PTPRD: variants seen among roughly 807,000 people sequenced by gnomAD.
The protein encoded by PTPRD is receptor-type tyrosine-protein phosphatase delta.
PTPRD carries 34 observed loss-of-function variants against 214.5 expected under a neutral mutation model. The observed-to-expected ratio is 0.16, with a 90% confidence interval of 0.12 to 0.21. PTPRD has a LOEUF of 0.21. Ranked by LOEUF, PTPRD falls within the 10% of genes least tolerant of loss-of-function variation. The pLI is 1.00. For synonymous variants in PTPRD, 1,128 were observed against 845.7 expected (o/e 1.33, Z -5.79); for missense variants, 2,545 against 2,398.7 (o/e 1.06, Z -1.27).
intron 2 of PTPRD, among the ~76,000 whole-genome samples, chr9:10,407,352 C>T (rs796675879): frequency 6.6e-6 from 1 of 151,372 alleles, no homozygotes; most frequent in Non-Finnish European, 1.5e-5. Context: ...ATGTGAATAT[C>T]TTTGCGAGAA....
At chr9:8,687,651 T>C (rs117999466) in intron 12 of PTPRD, among the ~76,000 whole-genome samples, 209 of 152,226 alleles carry the variant, frequency 1.4e-3, no homozygotes, top group Non-Finnish European at 2.3e-3. Flanking sequence ...GGGTACAATA[T>C]TGCTATCCAA....
At chr9:9,025,510 C>G (rs769441857) in intron 10 of PTPRD, among the ~76,000 whole-genome samples, 7 of 151,958 alleles carry the variant, frequency 4.6e-5, no homozygotes, top group Non-Finnish European at 8.8e-5. Context: ...CTAGAAAACC[C>G]ATGGAGCTTC....
chr9:9,523,058 T>C (rs828818), intron 8 of PTPRD, among the ~76,000 whole-genome samples: 150,091 of 152,304 alleles, frequency 0.99, 73,993 homozygotes, highest in Middle Eastern at 1. Context: ...ATAATTTATT[T>C]ATGTTGTTAA....
chr9:8,749,350 G>C (rs1254044196), intron 11 of PTPRD, among the ~76,000 whole-genome samples: 4 of 152,074 alleles, frequency 2.6e-5, no homozygotes, highest in Admixed American at 6.5e-5. Context: ...ACCATGCCCA[G>C]CTAATTTTTG....
intron 4 of PTPRD, among the ~76,000 whole-genome samples, chr9:10,020,159 AC>A (rs1388031611): frequency 6.6e-6 from 1 of 152,188 alleles, no homozygotes; most frequent in Non-Finnish European, 1.5e-5. Flanking sequence ...TGAAACAGGA[AC>A]CATTTTATAA....
intron 7 of PTPRD, among the ~76,000 whole-genome samples, chr9:9,616,593 G>A (rs145232787): frequency 6.2e-4 from 95 of 152,128 alleles, no homozygotes; most frequent in African/African-American, 2.1e-3. Context: ...GATCTTATTC[G>A]TGAGGGCTGC....
At chr9:10,356,033 T>A (rs2097270776) in intron 2 of PTPRD, among the ~76,000 whole-genome samples, 1 of 152,164 alleles carries the variant, frequency 6.6e-6, no homozygotes. Context: ...TAACATAACA[T>A]TCCAAATTTT....
intron 9 of PTPRD, among the ~76,000 whole-genome samples, chr9:9,343,768 A>G (rs2047741629): frequency 6.6e-6 from 1 of 152,108 alleles, no homozygotes; most frequent in African/African-American, 2.4e-5. Flanking sequence ...AGTGAAATGA[A>G]GTGAAACAAA....
chr9:9,843,407 C>G (rs1206217220), intron 5 of PTPRD, among the ~76,000 whole-genome samples: 1 of 151,860 alleles, frequency 6.6e-6, no homozygotes, highest in South Asian at 2.1e-4. Context: ...CAAATTAGGC[C>G]TTTTCTTTAT....
At chr9:9,955,479 G>C (rs751670766) in intron 4 of PTPRD, among the ~76,000 whole-genome samples, 3 of 151,280 alleles carry the variant, frequency 2.0e-5, no homozygotes, top group African/African-American at 7.3e-5. Context: ...CCACAACATT[G>C]AACTCTGGAT....
chr9:8,443,359 G>C (rs994886163), intron 34 of PTPRD, among the ~76,000 whole-genome samples: 1 of 152,160 alleles, frequency 6.6e-6, no homozygotes, highest in African/African-American at 2.4e-5. Flanking sequence ...AATGGATCTT[G>C]TTAGCATTGA....
intron 2 of PTPRD, among the ~76,000 whole-genome samples, chr9:10,381,337 G>A (rs571335676): frequency 7.2e-5 from 11 of 152,060 alleles, no homozygotes; most frequent in East Asian, 1.9e-4. Context: ...GCAATAGCAG[G>A]TATTCATTTA....
intron 3 of PTPRD, among the ~76,000 whole-genome samples, chr9:10,184,602 A>G (rs1423896945): frequency 1.3e-5 from 2 of 152,138 alleles, no homozygotes; most frequent in Non-Finnish European, 2.9e-5. Flanking sequence ...CGTTATTTAA[A>G]TAAAGGTTTT....
chr9:10,345,565 T>G (rs896678961), intron 2 of PTPRD, among the ~76,000 whole-genome samples: 1 of 152,192 alleles, frequency 6.6e-6, no homozygotes, highest in Admixed American at 6.5e-5. Context: ...GGTTTCTAGC[T>G]TCATCCATGT....
At chr9:8,337,419 G>A (rs1441363997) in intron 43 of PTPRD, among the ~76,000 whole-genome samples, 3 of 151,778 alleles carry the variant, frequency 2.0e-5, no homozygotes, top group Admixed American at 6.6e-5. Flanking sequence ...ACGGACACAC[G>A]GAGGGGAACA....
At chr9:9,057,913 TA>T (rs1337389230) in intron 10 of PTPRD, among the ~76,000 whole-genome samples, 3 of 152,156 alleles carry the variant, frequency 2.0e-5, no homozygotes, top group Non-Finnish European at 4.4e-5. Context: ...AAATATTATA[TA>T]AAAATAATCA....
At chr9:10,072,005 A>T (rs1192394263) in intron 3 of PTPRD, among the ~76,000 whole-genome samples, 1 of 151,988 alleles carries the variant, frequency 6.6e-6, no homozygotes, top group Non-Finnish European at 1.5e-5. Context: ...AAATGATGAA[A>T]AAATTGGTAA....
At chr9:10,306,221 A>G (rs1312048374) in intron 3 of PTPRD, among the ~76,000 whole-genome samples, 1 of 140,392 alleles carries the variant, frequency 7.1e-6, no homozygotes, top group Admixed American at 7.1e-5. Context: ...GAGTTGAACA[A>G]TGAGAACACA....
At position 8,492,669 on chromosome 9, in the gene PTPRD, A is replaced by G. The variant is rs1163899821; in HGVS notation, c.2467+193T>C. ...AATGACTGATTGAATAGTTTGGACA[A>G]ATTATGCACTTGGACTATTTTTTTC... On this transcript the variant is annotated intron_variant, in intron 27 of 45. Transcript: ENST00000381196. Among the ~76,000 whole-genome samples the G allele has an allele frequency of 2.0e-5, 3 of 151,102 alleles. No homozygotes were observed. In the East Asian group the frequency reaches 5.8e-4, roughly 29 times the overall value.
Sources: allele counts gnomAD v4.1 joint callset (sites outside exome capture counted in the v4.1 genomes callset), GRCh38; gene constraint gnomAD v4.1.1; transcripts MANE v1.5; gene names NCBI Gene and HGNC (gene_info 2026-07-23, HGNC 2026-07-21).